The following METTL25 variants were observed in gnomAD, a reference collection of about 807,000 sequenced individuals.
METTL25 encodes the protein probable methyltransferase-like protein 25.
METTL25 carries 64 observed loss-of-function variants against 71.6 expected under a neutral mutation model. The ratio of observed to expected loss-of-function variants is 0.89; its 90% CI spans 0.73 to 1.10. The LOEUF (loss-of-function observed/expected upper bound fraction) is 1.10, where lower values mean the gene tolerates loss of function less well. METTL25 is among the 50% of genes least tolerant of loss of function. The pLI is 0.00. For missense variants in METTL25, 807 were observed against 707.0 expected (o/e 1.14, Z -1.60); for synonymous variants, 287 against 250.3 (o/e 1.15, Z -1.38).
intron 1 of METTL25, among the ~76,000 whole-genome samples, chr12:82,361,808 C>A (rs1445091301): frequency 6.6e-6 from 1 of 152,340 alleles, no homozygotes; most frequent in South Asian, 2.1e-4. Flanking sequence ...TCCCTCCACA[C>A]CTCCCTGCAA....
rs76275003 is a variant in METTL25, at chr12:82,456,969, T to G, written c.1572+149T>G. ...TATTGAAACAAGACCTCCATCATCTTTTTTCCAGTTTATCCTTCTTGTCAT... is the reference window on the plus strand; with the variant it reads ...TATTGAAACAAGACCTCCATCATCTGTTTTCCAGTTTATCCTTCTTGTCAT... On this transcript the variant is annotated intron_variant, in intron 9 of 11. Transcript: ENST00000248306. The G allele has an allele frequency of 2.7e-4, 110 of 400,538 alleles. No homozygotes were observed. In the East Asian group the frequency reaches 3.9e-3, roughly 14 times the overall value. 24.8% of individuals were successfully genotyped at this position (400,538 alleles called of 1,614,324 possible).
At chr12:82,375,348 G>T (rs954084696) in intron 1 of METTL25, among the ~76,000 whole-genome samples, 124 of 152,256 alleles carry the variant, frequency 8.1e-4, no homozygotes, top group Non-Finnish European at 3.2e-4. Context: ...GTAGCAAGGA[G>T]CACCATCTTG....
intron 7 of METTL25, 164 bp from the exon 8 acceptor site, chr12:82,438,554 G>A (rs1890091512): frequency 1.6e-5 from 4 of 246,766 alleles, no homozygotes; most frequent in Non-Finnish European, 3.1e-5. Context: ...ATGAGAATTA[G>A]CCTCAGGGTA....
chr12:82,439,080 C>T (rs761201858), intron 8 of METTL25: 30 of 196,140 alleles, frequency 1.5e-4, no homozygotes, highest in African/African-American at 4.6e-4. Flanking sequence ...AGTTCAGTGA[C>T]GATATTATAT....
chr12:82,476,645 T>C lies in METTL25; in HGVS notation c.1574T>C (p.Leu525Pro), dbSNP rs1357492828. ...TTATTGTTGTTTTTTATCTTGAAGC[T>C]GCCAGAAAAAATTATAATGAACTAC... ...LKKLGLDESK[L>P]PEKIIMNYYE... The change falls in exon 10 of 12, where the codon CTG becomes CCG. Residue 525 changes from leucine (L) to proline (P), a missense_variant and splice_region_variant. Transcript: ENST00000248306. 16 of 1,585,420 alleles carry C rather than the reference T, an allele frequency of 1.0e-5. No homozygotes were observed. Among genetic ancestry groups the C allele is most frequent in the Non-Finnish European group, 1.4e-5 (16 of 1,163,432 alleles).
At chr12:82,373,076 A>G (rs908369595) in intron 1 of METTL25, among the ~76,000 whole-genome samples, 10 of 152,144 alleles carry the variant, frequency 6.6e-5, no homozygotes, top group Non-Finnish European at 1.3e-4. Flanking sequence ...GGCCCAAGAA[A>G]AATCGGATTT....
intron 9 of METTL25, among the ~76,000 whole-genome samples, chr12:82,463,932 GT>G (rs980127056): frequency 1.3e-5 from 2 of 151,376 alleles, no homozygotes; most frequent in African/African-American, 4.8e-5. Context: ...TTCCTTGGGT[GT>G]TTGGGTTTGT....
chr12:82,368,836 T>A (rs1394620501), intron 1 of METTL25, among the ~76,000 whole-genome samples: 1 of 152,200 alleles, frequency 6.6e-6, no homozygotes, highest in Non-Finnish European at 1.5e-5. Context: ...GTGGGTCACC[T>A]AGATAATAAA....
At chr12:82,403,200 A>G (rs768309037) in intron 5 of METTL25, 70 bp downstream of exon 5, 55 of 1,443,476 alleles carry the variant, frequency 3.8e-5, no homozygotes, top group Admixed American at 2.4e-4. Flanking sequence ...TCTATTTTCT[A>G]TTTCTCCCCG....
In METTL25 at chr12:82,477,106, A is replaced by G. The variant is rs542441284; in HGVS notation, c.1648-175A>G. ...TAAAGGACATTCTTTTCCTATTATT[A>G]AAGAAAACCTTTTGATCTCTGAAAT... On this transcript the variant is annotated intron_variant, in intron 10 of 11. Transcript: ENST00000248306. 2.0e-5 allele frequency among the ~76,000 whole-genome samples: 3 copies of G among 151,926 alleles called. No homozygotes were observed. The South Asian group carries it at 6.2e-4, about 31-fold the overall frequency.
At chr12:82,429,145 A>G (rs138165737) in intron 5 of METTL25, among the ~76,000 whole-genome samples, 184 of 151,696 alleles carry the variant, frequency 1.2e-3, no homozygotes, top group African/African-American at 4.4e-3. Context: ...TATTTCTTCA[A>G]TCCAATTGTA....
intron 5 of METTL25, among the ~76,000 whole-genome samples, chr12:82,413,524 TAGA>T (rs1887719204): frequency 6.6e-6 from 1 of 152,056 alleles, no homozygotes; most frequent in African/African-American, 2.4e-5. Context: ...AAACACTGCA[TAGA>T]AGAAAAGTTG....
At chr12:82,429,027 T>C (rs2137138580) in intron 5 of METTL25, among the ~76,000 whole-genome samples, 1 of 152,028 alleles carries the variant, frequency 6.6e-6, no homozygotes, top group African/African-American at 2.4e-5. Flanking sequence ...CAAGCATTTA[T>C]CATTTCTGTG....
intron 9 of METTL25, among the ~76,000 whole-genome samples, chr12:82,457,931 C>G (rs182808043): frequency 1.3e-5 from 2 of 152,152 alleles, no homozygotes; most frequent in East Asian, 3.9e-4. Context: ...GATCTTCCTT[C>G]CAATTAGTCT....
At chr12:82,408,597 C>T (rs201905368) in intron 5 of METTL25, among the ~76,000 whole-genome samples, 3 of 147,634 alleles carry the variant, frequency 2.0e-5, no homozygotes, top group Admixed American at 6.8e-5. Flanking sequence ...GATGTGACTC[C>T]GTGTGTGTGT....
rs1326242798 is a variant in METTL25 at position 82,372,024 on chromosome 12, T to G, written c.259+13200T>G. ...TTTTTTCAGCTGTCATTCCATCATT[T>G]ACTTGACTAAGATACAAGGTATCTC... On this transcript the variant is annotated intron_variant, in intron 1 of 11. Coordinates refer to ENST00000248306, the MANE Select transcript of METTL25 (RefSeq NM_032230.3). Among the ~76,000 whole-genome samples, 7 of 152,224 alleles carry G rather than the reference T, an allele frequency of 4.6e-5. 1 individual carries two copies. Among genetic ancestry groups the G allele is most frequent in the Non-Finnish European group, 1.0e-4 (7 of 68,036 alleles).
At chr12:82,473,647 C>T (rs190307570) in intron 9 of METTL25, among the ~76,000 whole-genome samples, 3 of 152,274 alleles carry the variant, frequency 2.0e-5, no homozygotes, top group Admixed American at 6.5e-5. Flanking sequence ...GCTGTTTGTA[C>T]ATCGTTGGTT....
At chr12:82,456,933 G>T in intron 9 of METTL25, 113 bp downstream of exon 9, 1 of 448,760 alleles carries the variant, frequency 2.2e-6, no homozygotes, top group Non-Finnish European at 3.8e-6. Context: ...TTTGTGAAAA[G>T]GTCCAAATTA....
chr12:82,453,474 C>T (rs1891284395), intron 8 of METTL25, among the ~76,000 whole-genome samples: 2 of 152,272 alleles, frequency 1.3e-5, no homozygotes, highest in Middle Eastern at 3.4e-3. Flanking sequence ...GGAAAGTTTA[C>T]TTAACCTCTG....
Sources: allele counts gnomAD v4.1 joint callset (sites outside exome capture counted in the v4.1 genomes callset), GRCh38; gene constraint gnomAD v4.1.1; transcripts MANE v1.5; gene names NCBI Gene and HGNC (gene_info 2026-07-23, HGNC 2026-07-21).